Variants in DMTF1 observed in about 807,000 individuals in gnomAD.
The protein encoded by DMTF1 is cyclin D binding myb like transcription factor 1, also known as cyclin-D-binding Myb-like transcription factor 1.
A neutral mutation model predicts 91.1 loss-of-function variants in DMTF1; 39 were observed. That is an observed-to-expected ratio of 0.43 (90% CI 0.33 to 0.56). The LOEUF (loss-of-function observed/expected upper bound fraction) is 0.56. DMTF1 is among the 20% of genes least tolerant of loss of function. DMTF1 has a pLI of 0.05. For missense variants in DMTF1, 750 were observed against 914.5 expected, an observed-to-expected ratio of 0.82 and a Z score of 2.32; for synonymous variants, 338 against 309.5, an observed-to-expected ratio of 1.09 and a Z score of -0.97.
intron 5 of DMTF1, among the ~76,000 whole-genome samples, chr7:87,173,271 A>G (rs961499342): frequency 6.6e-6 from 1 of 152,224 alleles, no homozygotes; most frequent in Non-Finnish European, 1.5e-5. Flanking sequence ...TGAAGCCAAT[A>G]GTACATTTAC....
At chr7:87,176,221 T>C (rs956413815) in intron 7 of DMTF1, among the ~76,000 whole-genome samples, 4 of 152,236 alleles carry the variant, frequency 2.6e-5, no homozygotes, top group African/African-American at 9.6e-5. Context: ...TTTAAAACTC[T>C]AATTCTTCAC....
At chr7:87,169,554 G>A (rs186489759) in intron 4 of DMTF1, among the ~76,000 whole-genome samples, 4 of 152,024 alleles carry the variant, frequency 2.6e-5, no homozygotes, top group East Asian at 1.9e-4. Flanking sequence ...GCCTATATTT[G>A]CCTTCATTTC....
chr7:87,167,758 T>C (rs1794163141), intron 4 of DMTF1, among the ~76,000 whole-genome samples: 1 of 152,232 alleles, frequency 6.6e-6, no homozygotes, highest in Non-Finnish European at 1.5e-5. Flanking sequence ...TTCCTCCTGA[T>C]GATTCCTATG....
chr7:87,164,858 T>C, intron 2 of DMTF1, 76 bp from the exon 3 acceptor site: 1 of 757,444 alleles, frequency 1.3e-6, no homozygotes, highest in Non-Finnish European at 2.1e-6. Flanking sequence ...GTGTGGTATT[T>C]CAGGGGATTA....
In DMTF1 at chr7:87,193,524, C is replaced by T. The variant is rs1800401844; in HGVS notation, c.1650+171C>T. ...CACTGGAGTGTATGTTTCATCCCTT[C>T]TCTTTATGTAAGATGGCTATACATT... On this transcript the variant is annotated intron_variant, in intron 15 of 17. Coordinates refer to ENST00000331242, the MANE Select transcript of DMTF1 (RefSeq NM_001142327.2). 19 of 820,934 alleles carry T rather than the reference C, an allele frequency of 2.3e-5. No homozygotes were observed. In the South Asian group the frequency reaches 2.7e-4, roughly 12 times the overall value. 50.9% of individuals were successfully genotyped at this position (820,934 alleles called of 1,614,324 possible). A position where few individuals can be genotyped will look rare whatever the true frequency, so the allele number is the denominator to read the frequency against.
intron 1 of DMTF1, among the ~76,000 whole-genome samples, chr7:87,156,906 G>C (rs934293505): frequency 2.6e-5 from 4 of 152,084 alleles, no homozygotes; most frequent in African/African-American, 9.7e-5. Context: ...TGAGTAATAG[G>C]TACGAATTAG....
intron 1 of DMTF1, among the ~76,000 whole-genome samples, chr7:87,158,890 A>G (rs1791484009): frequency 6.6e-6 from 1 of 152,118 alleles, no homozygotes; most frequent in African/African-American, 2.4e-5. Context: ...ACTGAAACCT[A>G]AGTTTCTAAA....
At chr7:87,178,377 A>T (rs1411677763) in intron 7 of DMTF1, among the ~76,000 whole-genome samples, 1 of 151,968 alleles carries the variant, frequency 6.6e-6, no homozygotes, top group Non-Finnish European at 1.5e-5. Context: ...ATCGCAAGTG[A>T]TTCATCTTTT....
At chr7:87,153,002 A>G (rs764647651) in intron 1 of DMTF1, 1 of 152,556 alleles carries the variant, frequency 6.6e-6, no homozygotes, top group South Asian at 2.1e-4. Flanking sequence ...TATTTTTGTT[A>G]CGTTTTCGGT....
chr7:87,166,352 C>A, intron 3 of DMTF1, 131 bp from the exon 4 acceptor site: 2 of 833,482 alleles, frequency 2.4e-6, no homozygotes, highest in Non-Finnish European at 1.8e-6. Flanking sequence ...GTTTGCACAA[C>A]TAGGTTTAGT....
chr7:87,181,214 A>C (rs1797299918), intron 8 of DMTF1, 95 bp from the exon 9 acceptor site: 1 of 632,894 alleles, frequency 1.6e-6, no homozygotes, highest in Non-Finnish European at 2.9e-6. Context: ...TAAGTGACTT[A>C]ACATTCAGCT....
chr7:87,193,039 C>G, intron 14 of DMTF1, 159 bp from the exon 15 acceptor site: 1 of 666,392 alleles, frequency 1.5e-6, no homozygotes, highest in Middle Eastern at 3.6e-4. Context: ...AACCTTCAGG[C>G]TAGGTAATGA....
intron 3 of DMTF1, among the ~76,000 whole-genome samples, chr7:87,166,024 T>G (rs573707382): frequency 1.3e-5 from 2 of 152,322 alleles, no homozygotes; most frequent in East Asian, 3.9e-4. Context: ...AGCATAAAGC[T>G]TCCCAAGGTT....
chr7:87,185,998 T>A lies in DMTF1; in HGVS notation c.1201+18T>A, dbSNP rs1172911836. 1 of 1,613,336 alleles carries A rather than the reference T, an allele frequency of 6.2e-7. No individual in the cohort carries two copies. The highest frequency in any genetic ancestry group is 1.1e-5 in the South Asian group (1 of 91,050). On this transcript the variant is annotated intron_variant, in intron 12 of 17. Transcript: ENST00000331242. ...GTTCCCTGGTAATGTATTACTTACT[T>A]TTTAAGCTCCTCCCCTTTTCTTACC... is the stretch of plus-strand genomic sequence containing the variant.
chr7:87,152,834 G>A (rs937466001), intron 1 of DMTF1: 4 of 155,508 alleles, frequency 2.6e-5, no homozygotes, highest in Middle Eastern at 5.2e-4. Context: ...GCGATCCGGC[G>A]GGGGCGGAAA....
chr7:87,174,549 C>A, intron 6 of DMTF1, 44 bp from the exon 7 acceptor site: 1 of 1,285,788 alleles, frequency 7.8e-7, no homozygotes, highest in Non-Finnish European at 1.1e-6. Flanking sequence ...TTATTTCTTT[C>A]AAGGAGTAAC....
chr7:87,194,594 T>C lies in DMTF1; in HGVS notation c.2029-90T>C, dbSNP rs1800790717. ...TATTCTGATTTTTAAATGGGTTATG[T>C]TTAAGTCTAACCTATACATACCTAT... On this transcript the variant is annotated intron_variant, in intron 16 of 17. Coordinates refer to ENST00000331242, the MANE Select transcript of DMTF1 (RefSeq NM_001142327.2). 3.3e-6 allele frequency: 3 copies of C among 915,256 alleles called. No individual in the cohort carries two copies. The South Asian group carries it at 6.1e-5, about 19-fold the overall frequency. The allele number at this position is 915,256 out of a possible 1,614,324, so 56.7% of individuals were successfully genotyped here.
At position 87,173,531 on chromosome 7, in the gene DMTF1, C is replaced by A; in HGVS notation, c.328-4C>A. On this transcript the variant is annotated splice_region_variant and splice_polypyrimidine_tract_variant and intron_variant, in intron 5 of 17. Transcript: ENST00000331242. ...TTGTTTTGTTTTACTTTTACCTTTT[C>A]AAGATTTTGCAGAATGAGCAACTAG... is the stretch of plus-strand genomic sequence containing the variant. 1.3e-6 allele frequency: 2 copies of A among 1,583,768 alleles called. No homozygotes were observed. The highest frequency in any genetic ancestry group is 1.1e-5 in the South Asian group (1 of 87,088).
intron 16 of DMTF1, 121 bp downstream of exon 16, chr7:87,194,223 CA>C (rs758556229): frequency 8.9e-7 from 1 of 1,122,680 alleles, no homozygotes; most frequent in South Asian, 1.6e-5. Flanking sequence ...TCACACCTCA[CA>C]AAGTGTTGTC....
Sources: allele counts gnomAD v4.1 joint callset (sites outside exome capture counted in the v4.1 genomes callset), GRCh38; gene constraint gnomAD v4.1.1; transcripts MANE v1.5; gene names NCBI Gene and HGNC (gene_info 2026-07-23, HGNC 2026-07-21).